Variants in SH3PXD2B observed in about 807,000 individuals in gnomAD.
SH3PXD2B encodes SH3 and PX domains 2B, also known as SH3 and PX domain-containing protein 2B.
In SH3PXD2B, 37 loss-of-function variants were observed where a neutral mutation model predicts 73.1. That is an observed-to-expected ratio of 0.51 (90% CI 0.39 to 0.67). The LOEUF is 0.67. Ranked by LOEUF, SH3PXD2B falls within the 30% of genes least tolerant of loss-of-function variation. The pLI is 0.00. For missense variants in SH3PXD2B, 1,053 were observed against 1,197.8 expected, an observed-to-expected ratio of 0.88 and a Z score of 1.78; for synonymous variants, 457 against 480.5, an observed-to-expected ratio of 0.95 and a Z score of 0.64.
chr5:172,402,739 G>T (rs1203356739), intron 3 of SH3PXD2B, among the ~76,000 whole-genome samples: 2 of 152,262 alleles, frequency 1.3e-5, no homozygotes, highest in Non-Finnish European at 2.9e-5. Context: ...TGTGAAATGG[G>T]ACAGCAGCCC....
chr5:172,368,685 GT>G (rs1209479559), intron 6 of SH3PXD2B, among the ~76,000 whole-genome samples: 1 of 11,636 alleles, frequency 8.6e-5, no homozygotes, highest in Non-Finnish European at 1.3e-4. Flanking sequence ...AAATATATAT[GT>G]TATATATATA....
At chr5:172,373,097 G>A (rs1020098593) in intron 6 of SH3PXD2B, among the ~76,000 whole-genome samples, 1 of 152,232 alleles carries the variant, frequency 6.6e-6, no homozygotes, top group Non-Finnish European at 1.5e-5. Flanking sequence ...TATTAGGAGG[G>A]AATATAATGT....
chr5:172,449,525 A>C (rs1234581304), intron 1 of SH3PXD2B, among the ~76,000 whole-genome samples: 1 of 152,270 alleles, frequency 6.6e-6, no homozygotes, highest in Non-Finnish European at 1.5e-5. Context: ...ATGTATAAAT[A>C]AATCCCGCCA....
At position 172,334,148 on chromosome 5, in the gene SH3PXD2B, A is replaced by C; in HGVS notation, c.*4221T>G. 8.9e-7 allele frequency: 1 copy of C among 1,118,722 alleles called. No individual in the cohort carries two copies. The highest frequency in any genetic ancestry group is 1.1e-6 in the Non-Finnish European group (1 of 912,024). The allele number at this position is 1,118,722 out of a possible 1,614,324, so 69.3% of individuals were successfully genotyped here. A position where few individuals can be genotyped will look rare whatever the true frequency, so the allele number is the denominator to read the frequency against. ...GTCGAGGATAGAAACGGGAAGATGG[A>C]ATGTTGAAACATGAGGAGGAGCTCG... On this transcript the variant is annotated 3_prime_UTR_variant, in exon 13 of 13. Transcript: ENST00000311601.
intron 6 of SH3PXD2B, among the ~76,000 whole-genome samples, chr5:172,369,939 A>G (rs919502128): frequency 6.6e-6 from 1 of 152,198 alleles, no homozygotes; most frequent in Non-Finnish European, 1.5e-5. Context: ...GACCCAGAGC[A>G]CTACCAGGTA....
intron 12 of SH3PXD2B, among the ~76,000 whole-genome samples, chr5:172,327,216 C>T (rs1453569447): frequency 2.0e-5 from 3 of 152,128 alleles, no homozygotes; most frequent in Non-Finnish European, 4.4e-5. Context: ...AATTATTATG[C>T]GCTATTAGAA....
In SH3PXD2B at chr5:172,336,154, C is replaced by A; in HGVS notation, c.*2215G>T. The A allele has an allele frequency of 1.0e-6, 1 of 986,502 alleles. No individual in the cohort carries two copies. The highest frequency in any genetic ancestry group is 1.2e-6 in the Non-Finnish European group (1 of 830,730). 61.1% of individuals were successfully genotyped at this position (986,502 alleles called of 1,614,324 possible). The stretch of plus-strand genomic sequence containing the variant: ...GCACCTAGCACAGAGTAGACACTCA[C>A]AAAGTATCTGAAAGCGTCGCTGAAA... On this transcript the variant is annotated 3_prime_UTR_variant, in exon 13 of 13. Transcript: ENST00000311601.
At chr5:172,424,237 G>A (rs531296623) in intron 1 of SH3PXD2B, among the ~76,000 whole-genome samples, 119 of 152,306 alleles carry the variant, frequency 7.8e-4, no homozygotes, top group African/African-American at 2.6e-3. Context: ...TCTGACCCAC[G>A]TAATCCAGTC....
intron 10 of SH3PXD2B, among the ~76,000 whole-genome samples, chr5:172,348,642 C>G (rs554023511): frequency 6.4e-4 from 43 of 67,548 alleles, no homozygotes; most frequent in African/African-American, 2.5e-3. Flanking sequence ...ATCTATGTAT[C>G]TATCTATCTA....
intron 1 of SH3PXD2B, among the ~76,000 whole-genome samples, chr5:172,452,901 G>A (rs955605210): frequency 6.6e-6 from 1 of 152,164 alleles, no homozygotes; most frequent in African/African-American, 2.4e-5. Flanking sequence ...TGGAATCAAG[G>A]GAAACTTCAC....
chr5:172,357,118 CAAA>C (rs59461760), intron 8 of SH3PXD2B, among the ~76,000 whole-genome samples: 10 of 59,006 alleles, frequency 1.7e-4, no homozygotes, highest in Admixed American at 7.3e-4. Flanking sequence ...GACCCCATCT[CAAA>C]AAAAAAAAAA....
At chr5:172,364,766 C>G (rs1757476272) in intron 6 of SH3PXD2B, among the ~76,000 whole-genome samples, 1 of 152,180 alleles carries the variant, frequency 6.6e-6, no homozygotes, top group Non-Finnish European at 1.5e-5. Flanking sequence ...CTTTGTGCAT[C>G]TCTCCCCACT....
At chr5:172,441,234 G>A (rs900939359) in intron 1 of SH3PXD2B, among the ~76,000 whole-genome samples, 2 of 152,104 alleles carry the variant, frequency 1.3e-5, no homozygotes, top group South Asian at 2.1e-4. Context: ...AGAAGATACC[G>A]AGGTTCTGAG....
Position 172,421,393 on chromosome 5 carries a change from G to GTTCA in SH3PXD2B, c.156+1019_156+1022dup, listed in dbSNP as rs143131903. ...AAGACTGGTAGTATACATGGTGTTC[G>GTTCA]TTCATTCATTCATTCATTCACCAAA... is the stretch of plus-strand genomic sequence containing the variant. On this transcript the variant is annotated intron_variant, in intron 2 of 12. Transcript: ENST00000311601. The surrounding 1 kb of genome is among the most constrained non-coding windows in gnomAD (Gnocchi z 4.0). Among the ~76,000 whole-genome samples the GTTCA allele has an allele frequency of 6.6e-6, 1 of 152,120 alleles. No homozygotes were observed. The highest frequency in any genetic ancestry group is 2.4e-5 in the African/African-American group (1 of 41,428).
At chr5:172,352,913 T>C (rs6861266) in intron 9 of SH3PXD2B, among the ~76,000 whole-genome samples, 98,992 of 151,848 alleles carry the variant, frequency 0.65, 32,642 homozygotes, top group Middle Eastern at 0.76. Context: ...CATTATCCGT[T>C]TTCAAATTTA....
chr5:172,413,955 G>A (rs1758758720), intron 2 of SH3PXD2B, among the ~76,000 whole-genome samples: 1 of 152,228 alleles, frequency 6.6e-6, no homozygotes, highest in Non-Finnish European at 1.5e-5. Flanking sequence ...GGATCTTGCT[G>A]GGAAGGCTTC....
At position 172,336,731 on chromosome 5, in the gene SH3PXD2B, C is replaced by T. The variant is rs1307280895; in HGVS notation, c.*1638G>A. ...GGGGCAGGGCAGGGCAGGGCTGCCT[C>T]GGTCGGGTAGAATGGGAAGGGGTTC... On this transcript the variant is annotated 3_prime_UTR_variant, in exon 13 of 13. Coordinates refer to ENST00000311601, the MANE Select transcript of SH3PXD2B (RefSeq NM_001017995.3). The T allele has an allele frequency of 1.5e-5, 15 of 985,352 alleles. No individual in the cohort carries two copies. Among genetic ancestry groups the T allele is most frequent in the South Asian group, 9.4e-5 (2 of 21,268 alleles). 61.0% of individuals were successfully genotyped at this position (985,352 alleles called of 1,614,324 possible).
intron 6 of SH3PXD2B, among the ~76,000 whole-genome samples, chr5:172,367,438 G>T (rs921695965): frequency 1.4e-5 from 2 of 147,924 alleles, no homozygotes; most frequent in South Asian, 2.2e-4. Flanking sequence ...ATGTTGCCCG[G>T]ACTGGTCTTG....
At chr5:172,434,607 T>C (rs1009618139) in intron 1 of SH3PXD2B, among the ~76,000 whole-genome samples, 1 of 150,578 alleles carries the variant, frequency 6.6e-6, no homozygotes, top group African/African-American at 2.4e-5. Flanking sequence ...CTCTGAGGCA[T>C]GGGGGAATGT....
Sources: allele counts gnomAD v4.1 joint callset (sites outside exome capture counted in the v4.1 genomes callset), GRCh38; gene constraint gnomAD v4.1.1; non-coding constraint Gnocchi (gnomAD v3.1); transcripts MANE v1.5; gene names NCBI Gene and HGNC (gene_info 2026-07-23, HGNC 2026-07-21).